The following CALN1 variants were observed in gnomAD, a reference collection of about 807,000 sequenced individuals.
CALN1 encodes calcium-binding protein 8.
CALN1 carries 17 observed loss-of-function variants against 30.6 expected under a neutral mutation model. That is an observed-to-expected ratio of 0.56 (90% CI 0.38 to 0.83). The LOEUF is 0.83. Among genes scored for constraint, CALN1 ranks in the 40% least tolerant of loss-of-function variants. The pLI is 0.00. For synonymous variants in CALN1, 156 were observed against 131.4 expected, an observed-to-expected ratio of 1.19 and a Z score of -1.28; for missense variants, 291 against 354.9, an observed-to-expected ratio of 0.82 and a Z score of 1.45.
chr7:72,153,566 C>T (rs1787429900), intron 3 of CALN1, among the ~76,000 whole-genome samples: 1 of 151,764 alleles, frequency 6.6e-6, no homozygotes, highest in African/African-American at 2.4e-5. Flanking sequence ...TGCCTACAGT[C>T]CCAGCTACTC....
chr7:71,971,472 CAAAA>C (rs1293819119), intron 5 of CALN1, among the ~76,000 whole-genome samples: 2 of 151,840 alleles, frequency 1.3e-5, no homozygotes, highest in Non-Finnish European at 2.9e-5. Context: ...AACAAACAAA[CAAAA>C]AACCCCGAAT....
intron 2 of CALN1, among the ~76,000 whole-genome samples, chr7:72,315,243 G>A (rs981552609): frequency 6.6e-6 from 1 of 150,674 alleles, no homozygotes; most frequent in African/African-American, 2.4e-5. Context: ...TTTGCAACAT[G>A]TAATAAAGGC....
intron 4 of CALN1, among the ~76,000 whole-genome samples, chr7:72,103,593 G>A (rs1199754209): frequency 6.6e-6 from 1 of 152,170 alleles, no homozygotes; most frequent in Non-Finnish European, 1.5e-5. Flanking sequence ...GCCAAATGGG[G>A]CAGAGAGTTG....
intron 5 of CALN1, among the ~76,000 whole-genome samples, chr7:71,891,969 T>A (rs975817108): frequency 2.4e-4 from 36 of 150,494 alleles, no homozygotes; most frequent in Non-Finnish European, 1.6e-4. Context: ...AAAAAAAAAA[T>A]AACAAGTGCT....
At chr7:72,313,709 T>A (rs1435206519) in intron 2 of CALN1, among the ~76,000 whole-genome samples, 2 of 114,638 alleles carry the variant, frequency 1.7e-5, no homozygotes, top group Non-Finnish European at 4.1e-5. Context: ...GATTAAAAAA[T>A]TTAATGATGG....
At chr7:72,470,374 G>A in the CALN1 span, among the ~76,000 whole-genome samples, 9 of 152,010 alleles carry the variant, frequency 5.9e-5, no homozygotes, top group Admixed American at 2.0e-4. Context: ...CAAGACCCCC[G>A]ACTCTAAAAA....
chr7:72,155,510 G>C (rs1280749433), intron 3 of CALN1, among the ~76,000 whole-genome samples: 1 of 151,328 alleles, frequency 6.6e-6, no homozygotes, highest in East Asian at 1.9e-4. Flanking sequence ...AAAAAAGAGA[G>C]AGAGAAAAAG....
Position 72,403,254 on chromosome 7 carries a change from G to T in CALN1, c.116C>A (p.Thr39Asn). ...PPRSQAPDFP[T>N]WEKMPFHHVT... ...GGTTTGGGGGAAGAAGACTTGCCAG[G>T]TGGGGAAGTCGGGGGCCTGGCTCCT... The change falls in exon 2 of 7, where the codon ACC becomes AAC. Residue 39 changes from threonine to asparagine, a missense_variant. By Grantham distance (65) the Thr-to-Asn change is moderately conservative. Coordinates refer to ENST00000395275, the MANE Select transcript of CALN1 (RefSeq NM_031468.4). 6.5e-7 allele frequency: 1 copy of T among 1,548,718 alleles called. No individual in the cohort carries two copies.
chr7:72,315,869 G>A (rs543698726), intron 2 of CALN1, among the ~76,000 whole-genome samples: 51 of 152,162 alleles, frequency 3.4e-4, no homozygotes, highest in Admixed American at 1.9e-3. Context: ...AATTTCTCCG[G>A]CCGGGCGCGA....
intron 4 of CALN1, among the ~76,000 whole-genome samples, chr7:72,026,764 T>C (rs1464891788): frequency 3.3e-5 from 5 of 152,132 alleles, no homozygotes; most frequent in Admixed American, 2.0e-4. Flanking sequence ...TTATCTTGAA[T>C]ATAGAACAAG....
chr7:72,042,678 G>C lies in CALN1; in HGVS notation c.389-18909C>G, dbSNP rs145212862. On this transcript the variant is annotated intron_variant, in intron 4 of 6. Transcript: ENST00000395275. ...TTGAGGCCAACAGATTGAGGCTGCA[G>C]TGAACTCTGATTGTGTCACTGCACT... Among the ~76,000 whole-genome samples, 6 of 152,218 alleles carry C rather than the reference G, an allele frequency of 3.9e-5. No homozygotes were observed. The East Asian group carries it at 1.2e-3, about 29-fold the overall frequency.
At chr7:72,464,063 G>C in the CALN1 span, among the ~76,000 whole-genome samples, 1 of 143,546 alleles carries the variant, frequency 7.0e-6, no homozygotes, top group African/African-American at 2.7e-5. Context: ...GAAAGAGAAA[G>C]AAAGAAAGAA....
At chr7:72,435,239 G>GAA (rs34343025) in intron 1 of CALN1, among the ~76,000 whole-genome samples, 36 of 133,048 alleles carry the variant, frequency 2.7e-4, no homozygotes, top group African/African-American at 5.0e-4. Context: ...AGTCTCTAAG[G>GAA]AAAAAAAAAA....
chr7:72,367,627 CAAATAAAAATAA>C (rs1205338947), intron 2 of CALN1, among the ~76,000 whole-genome samples: 1 of 151,716 alleles, frequency 6.6e-6, no homozygotes, highest in East Asian at 1.9e-4. Flanking sequence ...CCTGTCTCTA[CAAATAAAAATAA>C]AAATAAAAAT....
chr7:72,230,343 A>AAAAAAAAAG, intron 3 of CALN1, among the ~76,000 whole-genome samples: 1 of 16,822 alleles, frequency 5.9e-5, no homozygotes, highest in East Asian at 0.036. Context: ...AATAGATACT[A>AAAAAAAAAG]AAAAAAAAAA....
intron 5 of CALN1, among the ~76,000 whole-genome samples, chr7:71,847,838 A>AAGG (rs111892199): frequency 9.4e-6 from 1 of 106,016 alleles, no homozygotes; most frequent in African/African-American, 5.1e-5. Flanking sequence ...GGAGAAGGAG[A>AAGG]AGGAGAAGGA....
chr7:72,336,485 G>A (rs888576119), intron 2 of CALN1, among the ~76,000 whole-genome samples: 10 of 151,862 alleles, frequency 6.6e-5, no homozygotes, highest in Admixed American at 1.3e-4. Context: ...CTCCACGGAA[G>A]GCAAGGTGGC....
At chr7:72,246,540 T>C (rs375119175) in intron 3 of CALN1, among the ~76,000 whole-genome samples, 7 of 152,088 alleles carry the variant, frequency 4.6e-5, no homozygotes, top group African/African-American at 1.2e-4. Flanking sequence ...ATCCAAGGTA[T>C]AAATCAGTAT....
At chr7:72,305,057 G>C (rs1199926641) in intron 2 of CALN1, among the ~76,000 whole-genome samples, 1 of 152,224 alleles carries the variant, frequency 6.6e-6, no homozygotes, top group Non-Finnish European at 1.5e-5. Context: ...GTGACCTGCT[G>C]TCTGCAGCCC....
Sources: gnomAD v4.1 joint callset for allele counts (sites outside exome capture counted in the v4.1 genomes callset) on GRCh38, gnomAD v4.1.1 for gene constraint, MANE v1.5 for transcripts, NCBI Gene and HGNC (gene_info 2026-07-23, HGNC 2026-07-21) for gene names.